AUTS2: variants seen among roughly 807,000 people sequenced by gnomAD.
AUTS2 encodes the protein activator of transcription and developmental regulator AUTS2.
A neutral mutation model predicts 112.4 loss-of-function variants in AUTS2; 17 were observed. The observed-to-expected ratio is 0.15, with a 90% CI of 0.10 to 0.23. The LOEUF (loss-of-function observed/expected upper bound fraction) is 0.23. AUTS2 is among the 10% of genes least tolerant of loss of function. The pLI is 1.00. For synonymous variants in AUTS2, 751 were observed against 702.7 expected, an observed-to-expected ratio of 1.07 and a Z score of -1.09; for missense variants, 1,510 against 1,701.6, an observed-to-expected ratio of 0.89 and a Z score of 1.98.
chr7:69,959,817 A>G (rs1447129433), intron 2 of AUTS2, among the ~76,000 whole-genome samples: 1 of 152,116 alleles, frequency 6.6e-6, no homozygotes, highest in East Asian at 1.9e-4. Flanking sequence ...TTGTCTTACT[A>G]ATTGTTTCTA....
At chr7:70,114,258 A>T (rs1160978148) in intron 2 of AUTS2, among the ~76,000 whole-genome samples, 2 of 152,232 alleles carry the variant, frequency 1.3e-5, no homozygotes, top group African/African-American at 4.8e-5. Context: ...GCTGATGGTA[A>T]GAAATCTTAC....
intron 1 of AUTS2, among the ~76,000 whole-genome samples, chr7:69,880,256 C>G (rs758454637): frequency 6.6e-6 from 1 of 152,112 alleles, no homozygotes; most frequent in South Asian, 2.1e-4. Context: ...GGGGGAAATC[C>G]GTCCCCATCA....
intron 6 of AUTS2, among the ~76,000 whole-genome samples, chr7:70,703,865 G>A (rs1172667186): frequency 6.6e-6 from 1 of 152,196 alleles, no homozygotes; most frequent in Non-Finnish European, 1.5e-5. Flanking sequence ...TTAGGAGATA[G>A]AGATGTCTGG....
At chr7:70,227,702 G>T (rs547934549) in intron 4 of AUTS2, among the ~76,000 whole-genome samples, 1 of 152,074 alleles carries the variant, frequency 6.6e-6, no homozygotes, top group Non-Finnish European at 1.5e-5. Flanking sequence ...TAACTCATTG[G>T]CTATTTAGAA....
chr7:69,916,571 A>C (rs188512686), intron 2 of AUTS2, among the ~76,000 whole-genome samples: 7 of 152,272 alleles, frequency 4.6e-5, no homozygotes, highest in African/African-American at 1.7e-4. Context: ...TTTGAAATCT[A>C]TAATGGTGGT....
At chr7:69,783,847 A>G (rs1342721926) in intron 1 of AUTS2, among the ~76,000 whole-genome samples, 2 of 152,184 alleles carry the variant, frequency 1.3e-5, no homozygotes, top group Non-Finnish European at 2.9e-5. Flanking sequence ...TCAGCAGGGA[A>G]TACATGTGCA....
At chr7:70,600,757 T>C (rs1803435436) in intron 5 of AUTS2, among the ~76,000 whole-genome samples, 1 of 152,260 alleles carries the variant, frequency 6.6e-6, no homozygotes, top group Non-Finnish European at 1.5e-5. Flanking sequence ...AATTTGCCTG[T>C]TCTTGATACT....
chr7:70,616,966 G>C (rs972137870), intron 5 of AUTS2, among the ~76,000 whole-genome samples: 1 of 152,088 alleles, frequency 6.6e-6, no homozygotes, highest in Admixed American at 6.5e-5. Context: ...AAAAGGATCC[G>C]GTAGTCATGG....
intron 5 of AUTS2, among the ~76,000 whole-genome samples, chr7:70,566,882 G>C (rs1227011455): frequency 6.6e-6 from 1 of 152,164 alleles, no homozygotes; most frequent in Non-Finnish European, 1.5e-5. Flanking sequence ...TTTCACTGTC[G>C]GTTCTAATAA....
chr7:69,986,408 A>G (rs764227775), intron 2 of AUTS2, among the ~76,000 whole-genome samples: 1 of 152,380 alleles, frequency 6.6e-6, no homozygotes, highest in South Asian at 2.1e-4. Flanking sequence ...AATGTTTTCC[A>G]TAATCTGGAA....
At chr7:69,742,111 C>CTT (rs752148406) in intron 1 of AUTS2, among the ~76,000 whole-genome samples, 9,892 of 125,528 alleles carry the variant, frequency 0.079, 607 homozygotes, top group African/African-American at 0.16. Context: ...CCTATTTTAC[C>CTT]TTTTTTTTTT....
At chr7:70,172,362 A>G (rs558672668) in intron 4 of AUTS2, among the ~76,000 whole-genome samples, 4 of 152,340 alleles carry the variant, frequency 2.6e-5, no homozygotes, top group Admixed American at 2.6e-4. Flanking sequence ...GGTTTCTGTA[A>G]GGTAATCCCA....
chr7:69,738,492 G>A (rs1041144347), intron 1 of AUTS2, among the ~76,000 whole-genome samples: 1 of 152,112 alleles, frequency 6.6e-6, no homozygotes, highest in Non-Finnish European at 1.5e-5. Context: ...CTGCCCTGAG[G>A]CCATCTGTTC....
rs3750170 is a variant in AUTS2, at chr7:70,768,153, G to A, written c.1734+85G>A. 0.16 allele frequency: 199,581 copies of A among 1,287,230 alleles called. 18,750 individuals carry two copies. Among genetic ancestry groups the A allele is most frequent in the East Asian group, 0.43 (16,914 of 39,036 alleles). 79.7% of individuals were successfully genotyped at this position (1,287,230 alleles called of 1,614,324 possible). ...GCCACAGATCAGTCAATGACTAGCA[G>A]CCTTCCTTAATCATCTTTGCAAGAG... On this transcript the variant is annotated intron_variant, in intron 10 of 18. Transcript: ENST00000342771.
At chr7:70,145,538 A>G (rs1039077375) in intron 4 of AUTS2, among the ~76,000 whole-genome samples, 3 of 152,174 alleles carry the variant, frequency 2.0e-5, no homozygotes, top group African/African-American at 7.2e-5. Flanking sequence ...ACAGTTTGAT[A>G]CAGTATTTAT....
chr7:69,894,422 A>G (rs971602402), intron 1 of AUTS2, among the ~76,000 whole-genome samples: 8 of 152,130 alleles, frequency 5.3e-5, no homozygotes, highest in African/African-American at 1.9e-4. Context: ...TTAACAGAAG[A>G]AAAGCATATG....
intron 1 of AUTS2, among the ~76,000 whole-genome samples, chr7:69,723,260 G>T (rs917672969): frequency 2.0e-5 from 3 of 151,974 alleles, no homozygotes; most frequent in Non-Finnish European, 4.4e-5. Context: ...TGTGATTCTC[G>T]GAGACCTTTT....
chr7:70,073,159 T>C (rs1362974442), intron 2 of AUTS2, among the ~76,000 whole-genome samples: 2 of 151,038 alleles, frequency 1.3e-5, no homozygotes, highest in South Asian at 2.1e-4. Context: ...TGCAATGCTT[T>C]AGGCTGCCCA....
chr7:70,690,493 C>T (rs977032990), intron 5 of AUTS2, among the ~76,000 whole-genome samples: 2 of 152,140 alleles, frequency 1.3e-5, no homozygotes, highest in African/African-American at 4.8e-5. Flanking sequence ...GTTAGAGTGC[C>T]TGAACTTCAT....
Sources: allele counts gnomAD v4.1 joint callset (sites outside exome capture counted in the v4.1 genomes callset), GRCh38; gene constraint gnomAD v4.1.1; transcripts MANE v1.5; gene names NCBI Gene and HGNC (gene_info 2026-07-23, HGNC 2026-07-21).